Variants in DMXL2 observed in about 807,000 individuals in gnomAD.
DMXL2 encodes the protein Dmx like 2, also known as dmX-like protein 2.
DMXL2 carries 103 observed loss-of-function variants against 331.1 expected under a neutral mutation model. The ratio of observed to expected loss-of-function variants is 0.31; its 90% confidence interval spans 0.27 to 0.37. The LOEUF is 0.37. Among genes scored for constraint, DMXL2 ranks in the 10% least tolerant of loss-of-function variants. The pLI is 1.00. For synonymous variants in DMXL2, 1,281 were observed against 1,252.1 expected (o/e 1.02, Z -0.49); for missense variants, 3,171 against 3,642.9 (o/e 0.87, Z 3.33).
At chr15:51,540,691 T>C (rs1420868417) in intron 9 of DMXL2, among the ~76,000 whole-genome samples, 3 of 152,198 alleles carry the variant, frequency 2.0e-5, no homozygotes, top group Non-Finnish European at 2.9e-5. Context: ...ATTATTTGCA[T>C]TTAGTAATCT....
At chr15:51,460,104 G>A (rs939239492) in intron 33 of DMXL2, 1 of 938,770 alleles carries the variant, frequency 1.1e-6, no homozygotes, top group East Asian at 1.2e-4. Flanking sequence ...CTCTTATAAG[G>A]AATATGATGA....
chr15:51,492,275 G>A (rs1338521038), intron 19 of DMXL2, among the ~76,000 whole-genome samples: 2 of 152,210 alleles, frequency 1.3e-5, no homozygotes, highest in African/African-American at 4.8e-5. Flanking sequence ...TCACAGTCCT[G>A]GATGTCGATT....
intron 13 of DMXL2, among the ~76,000 whole-genome samples, chr15:51,528,938 G>C (rs1596136886): frequency 6.6e-6 from 1 of 152,108 alleles, no homozygotes; most frequent in South Asian, 2.1e-4. Flanking sequence ...AATAAAACTA[G>C]AAATCAATAA....
chr15:51,602,114 A>G (rs12372948), intron 1 of DMXL2, among the ~76,000 whole-genome samples: 77,007 of 151,896 alleles, frequency 0.51, 19,710 homozygotes, highest in Non-Finnish European at 0.52. Context: ...AAGGTGAATT[A>G]TAGCAGATAA....
At chr15:51,467,946 C>T (rs111841998) in intron 29 of DMXL2, among the ~76,000 whole-genome samples, 1,687 of 152,074 alleles carry the variant, frequency 0.011, 25 homozygotes, top group African/African-American at 0.038. Flanking sequence ...CAGGATGGTC[C>T]CAATCTCCTG....
chr15:51,592,619 AT>A (rs2052466424), intron 1 of DMXL2, among the ~76,000 whole-genome samples: 2 of 152,358 alleles, frequency 1.3e-5, no homozygotes, highest in South Asian at 4.1e-4. Context: ...TAATTGTCTG[AT>A]TAACCAAAGT....
Position 51,547,236 on chromosome 15 carries a change from A to G in DMXL2, c.740T>C (p.Met247Thr). ...CATGATTCATTCATCTAACCTGGGC[A>G]TATACTTGCTAGTTTTGCGCCACGA... ...GFSWRKTSKY[M>T]PRGSVCNVLL... Residue 247 changes from methionine to threonine, a missense_variant, in exon 7 of 44, where the codon ATG becomes ACG. By Grantham distance (81) the Met-to-Thr change is moderately conservative. Around this residue, in one of 7 missense-constraint regions of DMXL2, gnomAD observed 1,674 missense variants for 1,780.2 expected, o/e 0.94. Transcript: ENST00000560891. The G allele has an allele frequency of 1.2e-6, 2 of 1,608,160 alleles. No homozygotes were observed. Among genetic ancestry groups the G allele is most frequent in the Non-Finnish European group, 1.7e-6 (2 of 1,177,730 alleles).
intron 20 of DMXL2, among the ~76,000 whole-genome samples, chr15:51,489,178 T>C (rs1356105190): frequency 6.6e-6 from 1 of 152,190 alleles, no homozygotes; most frequent in Admixed American, 6.5e-5. Flanking sequence ...TAAGAGCATA[T>C]AGGCCATACC....
chr15:51,457,629 G>A, intron 36 of DMXL2, 163 bp from the exon 37 acceptor site: 1 of 730,400 alleles, frequency 1.4e-6, no homozygotes, highest in Non-Finnish European at 2.1e-6. Flanking sequence ...GTTAATACTG[G>A]TTAACTTTTT....
intron 6 of DMXL2, among the ~76,000 whole-genome samples, chr15:51,559,550 A>C (rs1193067714): frequency 1.3e-5 from 2 of 151,994 alleles, no homozygotes; most frequent in African/African-American, 4.8e-5. Flanking sequence ...TAACAACTCT[A>C]CCAAAAAAAA....
intron 1 of DMXL2, among the ~76,000 whole-genome samples, chr15:51,593,173 T>G (rs995515015): frequency 1.3e-5 from 2 of 152,058 alleles, no homozygotes; most frequent in Non-Finnish European, 2.9e-5. Context: ...GAAACCCATC[T>G]CACGTGCAGA....
intron 9 of DMXL2, among the ~76,000 whole-genome samples, chr15:51,541,812 C>T (rs963560301): frequency 1.3e-5 from 2 of 151,926 alleles, no homozygotes; most frequent in Non-Finnish European, 2.9e-5. Flanking sequence ...ACAGAACCTG[C>T]CTCAAAATAC....
intron 1 of DMXL2, among the ~76,000 whole-genome samples, chr15:51,595,613 T>C (rs2052740482): frequency 1.3e-5 from 2 of 152,160 alleles, no homozygotes; most frequent in Admixed American, 6.5e-5. Flanking sequence ...CATTGCCAAG[T>C]CAATCCTAAG....
chr15:51,548,568 G>C lies in DMXL2; in HGVS notation c.568-1160C>G, dbSNP rs565243246. 6.6e-5 allele frequency among the ~76,000 whole-genome samples: 10 copies of C among 151,926 alleles called. No individual in the cohort carries two copies. The East Asian group carries it at 1.9e-3, about 29-fold the overall frequency. ...ATTCTATGCAGTGGTTTCAGACTAC[G>C]TAACAAAGAAATTCTACAGGTACCC... is the stretch of plus-strand genomic sequence containing the variant. On this transcript the variant is annotated intron_variant, in intron 6 of 43. Coordinates refer to ENST00000560891, the MANE Select transcript of DMXL2 (RefSeq NM_001378457.1).
intron 37 of DMXL2, 151 bp from the exon 38 acceptor site, chr15:51,456,520 A>G (rs1456675362): frequency 1.7e-6 from 1 of 584,072 alleles, no homozygotes; most frequent in African/African-American, 1.9e-5. Context: ...ACTACATAGA[A>G]CACTTGTCTG....
chr15:51,545,834 G>T (rs1235199634), intron 7 of DMXL2, 68 bp from the exon 8 acceptor site: 6 of 1,378,518 alleles, frequency 4.4e-6, no homozygotes, highest in South Asian at 1.5e-5. Flanking sequence ...TAATATTTTG[G>T]TTCTTCATGC....
At chr15:51,488,475 A>T in intron 21 of DMXL2, 73 bp downstream of exon 21, 7 of 1,327,938 alleles carry the variant, frequency 5.3e-6, no homozygotes, top group Non-Finnish European at 7.4e-6. Context: ...AATTATTTTC[A>T]AAAGCATTAG....
At chr15:51,506,276 T>A (rs2046391627) in intron 16 of DMXL2, among the ~76,000 whole-genome samples, 1 of 152,112 alleles carries the variant, frequency 6.6e-6, no homozygotes, top group Non-Finnish European at 1.5e-5. Context: ...TTGCCCAGGC[T>A]GATCTCGAAT....
At chr15:51,556,515 G>A (rs1027480136) in intron 6 of DMXL2, among the ~76,000 whole-genome samples, 3 of 152,072 alleles carry the variant, frequency 2.0e-5, no homozygotes, top group Non-Finnish European at 2.9e-5. Context: ...GCTCATGCCT[G>A]TAATCCCAGC....
Sources: gnomAD v4.1 joint callset for allele counts (sites outside exome capture counted in the v4.1 genomes callset) on GRCh38, gnomAD v4.1.1 for gene constraint, gnomAD v4.1.1 regional missense constraint, MANE v1.5 for transcripts, NCBI Gene and HGNC (gene_info 2026-07-23, HGNC 2026-07-21) for gene names.